XRN1: variants seen among roughly 807,000 people sequenced by gnomAD.
XRN1 encodes the protein strand-exchange protein 1 homolog.
A neutral mutation model predicts 222.3 loss-of-function variants in XRN1; 67 were observed. That is an observed-to-expected ratio of 0.30 (90% CI 0.25 to 0.37). The LOEUF is 0.37. Ranked by LOEUF, XRN1 falls within the 10% of genes least tolerant of loss-of-function variation. The probability of loss-of-function intolerance (pLI) is 1.00; values close to 1 mark genes in which losing one functional copy is unlikely to be tolerated. For synonymous variants in XRN1, 643 were observed against 652.4 expected, an observed-to-expected ratio of 0.99 and a Z score of 0.22; for missense variants, 1,707 against 2,000.2, an observed-to-expected ratio of 0.85 and a Z score of 2.80.
rs149273648 is a variant in XRN1, at chr3:142,318,861, C to T, written c.4447G>A (p.Val1483Ile). Residue 1483 changes from valine (V) to isoleucine (I), a missense_variant, in exon 38 of 41, where the codon GTA (valine) becomes ATA (isoleucine). Around this residue, in one of 2 missense-constraint regions of XRN1, gnomAD observed 473 missense variants for 482.0 expected, o/e 0.98. Coordinates refer to ENST00000392981, the MANE Select transcript of XRN1 (RefSeq NM_001282857.2). Reference protein sequence around the residue: ...CQVKLSNGLLVHGPQCHSENE... With the variant: ...CQVKLSNGLLIHGPQCHSENE... Reference sequence around the variant, plus strand: ...TCAGAGTGGCACTGTGGCCCATGTACCAGTAAGCCATTAGATAATTTTACT... The same window carrying T: ...TCAGAGTGGCACTGTGGCCCATGTATCAGTAAGCCATTAGATAATTTTACT... 809 of 1,613,654 alleles carry T rather than the reference C, an allele frequency of 5.0e-4. 1 individual carries two copies. The highest frequency in any genetic ancestry group is 6.7e-4 in the Non-Finnish European group (789 of 1,179,884).
At position 142,447,681 on chromosome 3, in the gene XRN1, G is replaced by A. The variant is rs1319290020; in HGVS notation, c.75+189C>T. 2.6e-5 allele frequency among the ~76,000 whole-genome samples: 4 copies of A among 152,200 alleles called. No homozygotes were observed. Among genetic ancestry groups the A allele is most frequent in the Non-Finnish European group, 5.9e-5 (4 of 68,026 alleles). On this transcript the variant is annotated intron_variant, in intron 1 of 40. Coordinates refer to ENST00000392981, the MANE Select transcript of XRN1 (RefSeq NM_001282857.2). The surrounding 1 kb of genome is among the most constrained non-coding windows in gnomAD (Gnocchi z 4.2). ...ACCCAGCGGCTCTGTCCACACACAG[G>A]CAACCTGCGTCCTTAGCCCCTTTCG...
At chr3:142,442,044 T>A (rs933064594) in intron 1 of XRN1, among the ~76,000 whole-genome samples, 1 of 152,184 alleles carries the variant, frequency 6.6e-6, no homozygotes, top group African/African-American at 2.4e-5. Context: ...AATCCCCTCA[T>A]TCCAGGAACT....
At chr3:142,326,839 T>C (rs1364184710) in intron 37 of XRN1, among the ~76,000 whole-genome samples, 6 of 152,198 alleles carry the variant, frequency 3.9e-5, no homozygotes, top group African/African-American at 1.4e-4. Flanking sequence ...AAAGAGATGC[T>C]GAATTTTATC....
intron 10 of XRN1, among the ~76,000 whole-genome samples, chr3:142,419,334 GAC>G (rs566291264): frequency 6.6e-6 from 1 of 151,226 alleles, no homozygotes; most frequent in Non-Finnish European, 1.5e-5. Context: ...GAAAAAAAAA[GAC>G]ACACACACAC....
chr3:142,347,132 T>C (rs1251605119), intron 33 of XRN1, 102 bp downstream of exon 33: 2 of 870,514 alleles, frequency 2.3e-6, no homozygotes, highest in East Asian at 2.9e-5. Flanking sequence ...TACTTTAAAA[T>C]AATGAATTTA....
At chr3:142,431,914 A>ATAT (rs2069591480) in intron 2 of XRN1, among the ~76,000 whole-genome samples, 9 of 32,142 alleles carry the variant, frequency 2.8e-4, no homozygotes, top group African/African-American at 6.0e-4. Flanking sequence ...ATATATATAA[A>ATAT]TATATATAAT....
At chr3:142,384,422 G>T in intron 21 of XRN1, 101 bp downstream of exon 21, 2 of 878,450 alleles carry the variant, frequency 2.3e-6, no homozygotes, top group Non-Finnish European at 3.2e-6. Context: ...ATTATACATT[G>T]CTGAATTAGT....
intron 32 of XRN1, among the ~76,000 whole-genome samples, chr3:142,351,080 A>C (rs2066291125): frequency 6.6e-6 from 1 of 152,138 alleles, no homozygotes. Flanking sequence ...TATCTTATCT[A>C]AATCTATTTT....
At chr3:142,442,878 C>T (rs777624123) in intron 1 of XRN1, among the ~76,000 whole-genome samples, 12 of 151,550 alleles carry the variant, frequency 7.9e-5, no homozygotes, top group Non-Finnish European at 1.3e-4. Flanking sequence ...GGACTACGGG[C>T]GCCCAACACG....
At chr3:142,376,370 G>T in intron 24 of XRN1, 109 bp downstream of exon 24, 2 of 917,170 alleles carry the variant, frequency 2.2e-6, no homozygotes, top group South Asian at 1.5e-5. Flanking sequence ...ACAATTTTAA[G>T]ACAATCCAGA....
chr3:142,414,463 G>T, intron 13 of XRN1, 172 bp from the exon 14 acceptor site: 1 of 451,856 alleles, frequency 2.2e-6, no homozygotes, highest in Non-Finnish European at 3.6e-6. Context: ...GAAAATTTAG[G>T]TCATCCGATG....
At chr3:142,331,881 C>A (rs1402014811) in intron 36 of XRN1, among the ~76,000 whole-genome samples, 2 of 152,070 alleles carry the variant, frequency 1.3e-5, no homozygotes, top group Admixed American at 6.5e-5. Flanking sequence ...CTCAAGCAAT[C>A]CTACCACGTC....
chr3:142,427,864 G>A (rs1263341337), intron 2 of XRN1, among the ~76,000 whole-genome samples: 2 of 152,196 alleles, frequency 1.3e-5, no homozygotes, highest in Admixed American at 6.5e-5. Flanking sequence ...CTACAGCCTT[G>A]CTACTAGCTT....
Position 142,375,931 on chromosome 3 carries a change from G to T in XRN1, c.2845C>A (p.His949Asn). The T allele has an allele frequency of 6.2e-7, 1 of 1,611,762 alleles. No individual in the cohort carries two copies. Among genetic ancestry groups the T allele is most frequent in the South Asian group, 1.1e-5 (1 of 90,966 alleles). The part of the protein sequence containing the change: ...RGSRRNPHGD[H>N]KANVGLNLKF... ...AGATTTAAACCCACATTTGCTTTAT[G>T]GTCTCCATGAGGGCTGAATTTAAAC... Residue 949 changes from histidine (H) to asparagine (N), a missense_variant, in exon 25 of 41, where the codon CAT (histidine) becomes AAT (asparagine). Physicochemically the swap from His to Asn is moderately conservative, Grantham distance 68. This residue lies in a region of XRN1 where 1,234 missense variants were observed against 1,518.2 expected (regional missense o/e 0.81). Transcript: ENST00000392981.
chr3:142,448,033 C>G lies in XRN1; in HGVS notation c.-89G>C. 1.4e-6 allele frequency: 2 copies of G among 1,388,668 alleles called. No individual in the cohort carries two copies. The highest frequency in any genetic ancestry group is 2.0e-6 in the Non-Finnish European group (2 of 989,200). 86.0% of individuals were successfully genotyped at this position (1,388,668 alleles called of 1,614,324 possible). ...GCCGCAGCCTCCGGTCGTCGCTCCG[C>G]GGATGACAACACACCGCCCGGCCGA... is the stretch of plus-strand genomic sequence containing the variant. On this transcript the variant is annotated 5_prime_UTR_variant, in exon 1 of 41. Transcript: ENST00000392981.
intron 2 of XRN1, 148 bp from the exon 3 acceptor site, chr3:142,426,989 T>C (rs2069282871): frequency 4.8e-6 from 3 of 630,842 alleles, no homozygotes; most frequent in South Asian, 2.1e-5. Flanking sequence ...ATGATTATGA[T>C]TGATAAAAAT....
intron 8 of XRN1, 25 bp downstream of exon 8, chr3:142,422,557 C>T (rs779028318): frequency 1.4e-5 from 22 of 1,606,364 alleles, no homozygotes; most frequent in Non-Finnish European, 1.7e-5. Flanking sequence ...AAAGTATCCT[C>T]GAGAGATTAT....
intron 20 of XRN1, among the ~76,000 whole-genome samples, chr3:142,395,526 A>G (rs539128772): frequency 1.3e-5 from 2 of 152,320 alleles, no homozygotes; most frequent in African/African-American, 2.4e-5. Context: ...GGAACAACAG[A>G]TAAGAGGTCA....
Position 142,372,691 on chromosome 3 carries a change from C to T in XRN1, c.2979-1363G>A, listed in dbSNP as rs988971078. On this transcript the variant is annotated intron_variant, in intron 25 of 40. Coordinates refer to ENST00000392981, the MANE Select transcript of XRN1 (RefSeq NM_001282857.2). ...GGGCTGCCGGAAAGCAGCATTCCTG[C>T]TGCAAGGGGATAGGTCTTTCAGTCT... Among the ~76,000 whole-genome samples the T allele has an allele frequency of 1.1e-4, 16 of 152,338 alleles. 1 individual carries two copies. The highest frequency in any genetic ancestry group is 9.1e-4 in the Admixed American group (14 of 15,308).
Sources: allele counts gnomAD v4.1 joint callset (sites outside exome capture counted in the v4.1 genomes callset), GRCh38; gene constraint gnomAD v4.1.1; regional missense constraint gnomAD v4.1.1; non-coding constraint Gnocchi (gnomAD v3.1); transcripts MANE v1.5; gene names NCBI Gene and HGNC (gene_info 2026-07-23, HGNC 2026-07-21).